Variants in PSMA6 observed in about 807,000 individuals in gnomAD.
The protein encoded by PSMA6 is proteasome subunit alpha type-6.
For missense variants in PSMA6, 170 were observed against 294.8 expected, an observed-to-expected ratio of 0.58 and a Z score of 3.10; for synonymous variants, 88 against 97.7, an observed-to-expected ratio of 0.90 and a Z score of 0.59.
At chr14:35,300,755 C>G (rs1283522415) in intron 1 of PSMA6, among the ~76,000 whole-genome samples, 2 of 152,110 alleles carry the variant, frequency 1.3e-5, no homozygotes, top group African/African-American at 4.8e-5. Flanking sequence ...CCCCGCTCTT[C>G]TAGAGTACGT....
At chr14:35,286,168 A>G (rs1178289981) in intron 1 of PSMA6, among the ~76,000 whole-genome samples, 1 of 152,220 alleles carries the variant, frequency 6.6e-6, no homozygotes, top group Non-Finnish European at 1.5e-5. Flanking sequence ...GATTATGGTC[A>G]CCAAGTAATC....
intron 2 of PSMA6, 72 bp from the exon 3 acceptor site, chr14:35,308,842 T>C: frequency 8.8e-7 from 1 of 1,139,470 alleles, no homozygotes; most frequent in Non-Finnish European, 1.3e-6. Flanking sequence ...ATTAAAAACA[T>C]AATTTTTTTT....
At chr14:35,291,823 C>CAAAAAAAAAAAAA, upstream of PSMA6, among the ~76,000 whole-genome samples, 1 of 47,736 alleles carries the variant, frequency 2.1e-5, no homozygotes, top group South Asian at 7.2e-4. Context: ...AACTCTGTCT[C>CAAAAAAAAAAAAA]AAAAAAAAAA....
At chr14:35,312,393 G>C (rs1294157152) in intron 4 of PSMA6, among the ~76,000 whole-genome samples, 1 of 151,134 alleles carries the variant, frequency 6.6e-6, no homozygotes, top group African/African-American at 2.4e-5. Flanking sequence ...TGTAGTCCCA[G>C]CTACTCGGGA....
At chr14:35,301,027 T>C (rs2051701315) in intron 1 of PSMA6, among the ~76,000 whole-genome samples, 2 of 152,162 alleles carry the variant, frequency 1.3e-5, no homozygotes, top group African/African-American at 4.8e-5. Flanking sequence ...TAGTAGTGAT[T>C]ATCTAGGTTA....
At chr14:35,289,439 C>T (rs2051453611), upstream of PSMA6, among the ~76,000 whole-genome samples, 1 of 152,038 alleles carries the variant, frequency 6.6e-6, no homozygotes, top group African/African-American at 2.4e-5. Flanking sequence ...AAGCGATTCT[C>T]CTGCCTCAAC....
chr14:35,310,474 A>C lies in PSMA6; in HGVS notation c.254-266A>C, dbSNP rs566896719. On this transcript the variant is annotated intron_variant, in intron 3 of 6. Coordinates refer to ENST00000261479, the MANE Select transcript of PSMA6 (RefSeq NM_002791.3). ...TGCTTTTTCTTTTGGGAGTTACTGG[A>C]TACTTGCAGAAACTATTTTGACTGC... is the stretch of plus-strand genomic sequence containing the variant. Among the ~76,000 whole-genome samples the C allele has an allele frequency of 5.3e-5, 8 of 152,320 alleles. No individual in the cohort carries two copies. The South Asian group carries it at 1.5e-3, about 28-fold the overall frequency.
chr14:35,291,753 G>C (rs183743179), upstream of PSMA6, among the ~76,000 whole-genome samples: 27 of 151,574 alleles, frequency 1.8e-4, no homozygotes, highest in Non-Finnish European at 2.7e-4. Context: ...AACTCAGGAG[G>C]GGGAGGTTGC....
intron 1 of PSMA6, among the ~76,000 whole-genome samples, chr14:35,304,178 G>A (rs944573515): frequency 7.2e-5 from 11 of 151,940 alleles, no homozygotes; most frequent in African/African-American, 1.2e-4. Context: ...TCACCATGTC[G>A]GCCAGGATGG....
chr14:35,292,240 G>C (rs935438324), upstream of PSMA6: 15 of 1,234,458 alleles, frequency 1.2e-5, no homozygotes, highest in Non-Finnish European at 1.3e-5. Context: ...AGGCCTGCTT[G>C]GCGCAGGCGC....
chr14:35,317,277 C>T lies in PSMA6; in HGVS notation c.712C>T (p.His238Tyr). The change falls in exon 7 of 7, where the codon CAC (histidine) becomes TAC (tyrosine). Residue 238 changes from histidine (H) to tyrosine (Y), a missense_variant. Physicochemically the swap from His to Tyr is moderately conservative, Grantham distance 83 (BLOSUM62 2). Transcript: ENST00000261479. Reference sequence around the variant, plus strand: ...TCTTACAGAAGCAGAGATTGATGCTCACCTTGTTGCTCTAGCAGAGAGAGA... The same window carrying T: ...TCTTACAGAAGCAGAGATTGATGCTTACCTTGTTGCTCTAGCAGAGAGAGA... ...RILTEAEIDA[H>Y]LVALAERD 3 of 1,612,376 alleles carry T rather than the reference C, an allele frequency of 1.9e-6. No homozygotes were observed. Among genetic ancestry groups the T allele is most frequent in the South Asian group, 1.1e-5 (1 of 91,020 alleles).
intron 1 of PSMA6, among the ~76,000 whole-genome samples, chr14:35,285,339 C>CAAAAAAAAA (rs758651038): frequency 7.3e-5 from 4 of 54,512 alleles, no homozygotes; most frequent in Admixed American, 1.7e-4. Flanking sequence ...AACTCTATCT[C>CAAAAAAAAA]AAAAAAAACA....
rs184418761 is a variant in PSMA6, at chr14:35,315,421, T to A, written c.683+966T>A. Reference sequence around the variant, plus strand: ...TAAAAAAAAAAAAACAGCTGGGTGCTGTGGCATGCATCTGTAGTCTCAGCT... The same window carrying A: ...TAAAAAAAAAAAAACAGCTGGGTGCAGTGGCATGCATCTGTAGTCTCAGCT... On this transcript the variant is annotated intron_variant, in intron 6 of 6. Transcript: ENST00000261479. The A allele has an allele frequency of 7.3e-5, 11 of 151,704 alleles. No homozygotes were observed. The East Asian group carries it at 1.7e-3, about 24-fold the overall frequency. The allele number at this position is 151,704 out of a possible 1,614,324, so 9.4% of individuals were successfully genotyped here.
chr14:35,313,151 C>A, intron 5 of PSMA6, 92 bp downstream of exon 5: 2 of 1,185,966 alleles, frequency 1.7e-6, no homozygotes, highest in Non-Finnish European at 2.3e-6. Flanking sequence ...TCCTGAATTA[C>A]ATCCCAGGAT....
chr14:35,290,603 GAA>G (rs2051466964), upstream of PSMA6, among the ~76,000 whole-genome samples: 1 of 152,170 alleles, frequency 6.6e-6, no homozygotes, highest in Non-Finnish European at 1.5e-5. Flanking sequence ...CTTTAAAATA[GAA>G]AGTTAGTTTA....
In PSMA6 at chr14:35,308,964, A is replaced by G; in HGVS notation, c.222A>G (p.Glu74=). ...TGACTCACTTATTCAAGATAACTGA[A>G]AACATTGGTTGTGTGATGACCGGAA... The part of the protein sequence containing the change: ...STVTHLFKIT[E]NIGCVMTGMT... The change falls in exon 3 of 7, where the codon GAA becomes GAG. Residue 74 remains glutamate, a synonymous_variant. Coordinates refer to ENST00000261479, the MANE Select transcript of PSMA6 (RefSeq NM_002791.3). 5.0e-6 allele frequency: 8 copies of G among 1,610,628 alleles called. No individual in the cohort carries two copies. Among genetic ancestry groups the G allele is most frequent in the Non-Finnish European group, 6.8e-6 (8 of 1,177,464 alleles).
At chr14:35,314,040 A>C (rs2138758204) in intron 5 of PSMA6, 1 of 161,612 alleles carries the variant, frequency 6.2e-6, no homozygotes, top group South Asian at 1.9e-4. Flanking sequence ...AGATGCAGAG[A>C]GTATCATTCA....
chr14:35,308,548 A>G lies in PSMA6; in HGVS notation c.172-366A>G, dbSNP rs17103181. 7.9e-3 allele frequency: 1,616 copies of G among 205,592 alleles called. 45 individuals are homozygous for G. Among genetic ancestry groups the G allele is most frequent in the East Asian group, 0.064 (503 of 7,838 alleles). The allele number at this position is 205,592 out of a possible 1,614,324, so 12.7% of individuals were successfully genotyped here. A position where few individuals can be genotyped will look rare whatever the true frequency, so the allele number is the denominator to read the frequency against. Reference sequence around the variant, plus strand: ...CTTTCCTGTCATCCAAGAAGTGTCTATTGAACGTCTATATACAGTTCAGCT... The same window carrying G: ...CTTTCCTGTCATCCAAGAAGTGTCTGTTGAACGTCTATATACAGTTCAGCT... On this transcript the variant is annotated intron_variant, in intron 2 of 6. Transcript: ENST00000261479.
intron 2 of PSMA6, 26 bp from the exon 3 acceptor site, chr14:35,308,888 T>A (rs748146015): frequency 2.0e-6 from 3 of 1,524,826 alleles, no homozygotes; most frequent in East Asian, 2.3e-5. Context: ...TTTTAAAAAA[T>A]TATCTTTGTT....
Sources: gnomAD v4.1 joint callset for allele counts (sites outside exome capture counted in the v4.1 genomes callset) on GRCh38, gnomAD v4.1.1 for gene constraint, MANE v1.5 for transcripts, NCBI Gene and HGNC (gene_info 2026-07-23, HGNC 2026-07-21) for gene names.